The following FOXJ3 variants were observed in gnomAD, a reference collection of about 807,000 sequenced individuals.
FOXJ3 encodes the protein forkhead box J3.
Under a neutral mutation model 76.1 loss-of-function variants are expected in FOXJ3, and 22 were observed. That is an observed-to-expected ratio of 0.29 (90% confidence interval 0.21 to 0.41). The LOEUF is 0.41. Ranked by LOEUF, FOXJ3 falls within the 10% of genes least tolerant of loss-of-function variation. FOXJ3 has a pLI of 1.00. For missense variants in FOXJ3, 613 were observed against 762.1 expected (o/e 0.80, Z 2.30); for synonymous variants, 269 against 261.2 (o/e 1.03, Z -0.29).
intron 3 of FOXJ3, among the ~76,000 whole-genome samples, chr1:42,277,976 CAAAAAAAAAAA>C (rs755384247): frequency 7.8e-5 from 4 of 51,580 alleles, no homozygotes; most frequent in Admixed American, 4.0e-4. Context: ...GACTCCATCT[CAAAAAAAAAAA>C]AAAAAAAAAA....
At chr1:42,215,094 T>C (rs544492303) in intron 5 of FOXJ3, among the ~76,000 whole-genome samples, 10 of 152,084 alleles carry the variant, frequency 6.6e-5, no homozygotes, top group South Asian at 4.1e-4. Context: ...AATCCAAAAT[T>C]ACCTGGCACA....
intron 2 of FOXJ3, among the ~76,000 whole-genome samples, chr1:42,297,354 T>C (rs547911573): frequency 1.6e-4 from 25 of 152,234 alleles, no homozygotes; most frequent in Admixed American, 9.8e-4. Context: ...TTCCTGTTCT[T>C]AAGGAGAATG....
At chr1:42,260,749 C>T (rs1156853305) in intron 4 of FOXJ3, among the ~76,000 whole-genome samples, 4 of 152,162 alleles carry the variant, frequency 2.6e-5, no homozygotes, top group South Asian at 2.1e-4. Context: ...GTTATTTCCT[C>T]ACAAACCAGG....
intron 4 of FOXJ3, among the ~76,000 whole-genome samples, chr1:42,246,958 G>A (rs976239210): frequency 6.6e-6 from 1 of 152,188 alleles, no homozygotes; most frequent in Non-Finnish European, 1.5e-5. Context: ...TCATTCATAT[G>A]TGGGAGGTAA....
At chr1:42,304,802 T>C (rs1260196375) in intron 2 of FOXJ3, among the ~76,000 whole-genome samples, 2 of 152,044 alleles carry the variant, frequency 1.3e-5, no homozygotes, top group Admixed American at 6.6e-5. Flanking sequence ...AAAGAAAACA[T>C]TGGGGAAACT....
chr1:42,291,770 AT>A (rs1653452720), intron 2 of FOXJ3, among the ~76,000 whole-genome samples: 1 of 152,200 alleles, frequency 6.6e-6, no homozygotes. Flanking sequence ...ACAAAGCAAG[AT>A]CCACCTCACT....
chr1:42,267,214 A>G (rs1454047332), intron 3 of FOXJ3, among the ~76,000 whole-genome samples: 1 of 152,146 alleles, frequency 6.6e-6, no homozygotes, highest in Non-Finnish European at 1.5e-5. Flanking sequence ...CTCTACCAAA[A>G]GCATACCACT....
intron 4 of FOXJ3, among the ~76,000 whole-genome samples, chr1:42,232,773 G>T (rs1052045683): frequency 2.6e-5 from 4 of 152,150 alleles, no homozygotes; most frequent in South Asian, 2.1e-4. Flanking sequence ...TAGTTTCTTT[G>T]GCTGTGTGGA....
intron 4 of FOXJ3, among the ~76,000 whole-genome samples, chr1:42,254,132 A>G (rs1570062190): frequency 6.6e-6 from 1 of 152,166 alleles, no homozygotes. Context: ...AAAACAAACA[A>G]CCCCATCAAA....
intron 1 of FOXJ3, among the ~76,000 whole-genome samples, chr1:42,317,516 A>T (rs1360558769): frequency 8.6e-5 from 1 of 11,602 alleles, no homozygotes; most frequent in East Asian, 2.1e-3. Context: ...AGAAACCATA[A>T]AAAAAAAAAA....
At chr1:42,252,741 CCTG>C (rs1258923653) in intron 4 of FOXJ3, among the ~76,000 whole-genome samples, 1 of 151,648 alleles carries the variant, frequency 6.6e-6, no homozygotes, top group Non-Finnish European at 1.5e-5. Context: ...TTGGATCTTT[CCTG>C]CTTTCTCTTG....
intron 3 of FOXJ3, among the ~76,000 whole-genome samples, chr1:42,269,781 C>T (rs190990687): frequency 6.6e-6 from 1 of 152,126 alleles, no homozygotes; most frequent in East Asian, 1.9e-4. Context: ...TAAAACAAAT[C>T]TATCACTAAA....
chr1:42,229,065 T>C (rs907934153), intron 4 of FOXJ3, among the ~76,000 whole-genome samples: 3 of 152,198 alleles, frequency 2.0e-5, no homozygotes, highest in Non-Finnish European at 2.9e-5. Context: ...GTTGTTTATC[T>C]GTTCCTGTCC....
chr1:42,323,774 GGATTATCTT>G, intron 1 of FOXJ3: 9 of 753,518 alleles, frequency 1.2e-5, no homozygotes, highest in Non-Finnish European at 1.5e-5. Flanking sequence ...AATAATTGAA[GGATTATCTT>G]GTGAAAGAAG....
At chr1:42,288,570 A>T (rs1653210408) in intron 2 of FOXJ3, among the ~76,000 whole-genome samples, 1 of 152,222 alleles carries the variant, frequency 6.6e-6, no homozygotes, top group Admixed American at 6.5e-5. Flanking sequence ...TGTACAGAAA[A>T]TGCTAAAGAA....
chr1:42,209,642 C>G (rs1234258108), intron 5 of FOXJ3, among the ~76,000 whole-genome samples: 2 of 152,166 alleles, frequency 1.3e-5, no homozygotes, highest in African/African-American at 4.8e-5. Flanking sequence ...TGCCTTAATG[C>G]TACCCAGTGC....
chr1:42,234,452 T>C (rs556647838), intron 4 of FOXJ3, among the ~76,000 whole-genome samples: 3 of 152,202 alleles, frequency 2.0e-5, no homozygotes, highest in Non-Finnish European at 4.4e-5. Context: ...AGGAGCTGTG[T>C]TCCTCTGGAG....
At chr1:42,299,254 C>CT (rs1319706128) in intron 2 of FOXJ3, among the ~76,000 whole-genome samples, 1 of 152,078 alleles carries the variant, frequency 6.6e-6, no homozygotes, top group African/African-American at 2.4e-5. Flanking sequence ...AATCTGTTTG[C>CT]TTTGGCCTAG....
intron 1 of FOXJ3, among the ~76,000 whole-genome samples, chr1:42,332,948 C>A (rs1218945484): frequency 1.3e-5 from 2 of 152,036 alleles, no homozygotes; most frequent in African/African-American, 4.8e-5. Flanking sequence ...ACATGTTTCC[C>A]GAACAGAAAA....
Sources: gnomAD v4.1 joint callset for allele counts (sites outside exome capture counted in the v4.1 genomes callset) on GRCh38, gnomAD v4.1.1 for gene constraint, MANE v1.5 for transcripts, NCBI Gene and HGNC (gene_info 2026-07-23, HGNC 2026-07-21) for gene names.